The following GALNT2 variants were observed in gnomAD, a reference collection of about 807,000 sequenced individuals.
The protein encoded by GALNT2 is polypeptide N-acetylgalactosaminyltransferase 2.
Under a neutral mutation model 81.4 loss-of-function variants are expected in GALNT2, and 31 were observed. The ratio of observed to expected loss-of-function variants is 0.38; its 90% confidence interval spans 0.29 to 0.51. The LOEUF is 0.51. Among genes scored for constraint, GALNT2 ranks in the 20% least tolerant of loss-of-function variants. The pLI, the probability that GALNT2 is intolerant of heterozygous loss-of-function variation, is 0.87. For missense variants in GALNT2, 629 were observed against 765.7 expected (o/e 0.82, Z 2.11); for synonymous variants, 303 against 287.4 (o/e 1.05, Z -0.55).
At chr1:230,124,570 G>A (rs1312872903) in intron 1 of GALNT2, among the ~76,000 whole-genome samples, 1 of 152,204 alleles carries the variant, frequency 6.6e-6, no homozygotes, top group Middle Eastern at 3.2e-3. Context: ...CCTGGCTCCA[G>A]GTATTTGGAG....
At chr1:230,156,252 T>A (rs1282946867) in intron 1 of GALNT2, among the ~76,000 whole-genome samples, 1 of 151,324 alleles carries the variant, frequency 6.6e-6, no homozygotes, top group African/African-American at 2.4e-5. Context: ...AGAGTGTGTG[T>A]GTGTGTGTGT....
At chr1:230,216,518 C>T (rs11122466) in intron 3 of GALNT2, among the ~76,000 whole-genome samples, 14,432 of 152,170 alleles carry the variant, frequency 0.095, 1,497 homozygotes, top group African/African-American at 0.25. Context: ...CATAGCTCAC[C>T]GTAACAAACT....
In GALNT2 at chr1:230,127,672, C is replaced by T. The variant is rs556077987; in HGVS notation, c.127-50546C>T. ...TACAGATGTGAGCCACTGTGCCGGC[C>T]GAGGGTTTTTTTTTTTAATTTTAAA... On this transcript the variant is annotated intron_variant, in intron 1 of 15. Transcript: ENST00000366672. 4.2e-5 allele frequency among the ~76,000 whole-genome samples: 6 copies of T among 142,084 alleles called. No individual in the cohort carries two copies. In the East Asian group the frequency reaches 6.2e-4, roughly 15 times the overall value. The allele number at this position is 142,084 out of a possible 152,430, so 93.2% of individuals were successfully genotyped here. A position where few individuals can be genotyped will look rare whatever the true frequency, so the allele number is the denominator to read the frequency against.
chr1:230,111,517 C>T (rs1457663780), intron 1 of GALNT2, among the ~76,000 whole-genome samples: 5 of 152,258 alleles, frequency 3.3e-5, no homozygotes, highest in Non-Finnish European at 7.3e-5. Context: ...AAGCATCCCT[C>T]CTTCAGGGCA....
intron 5 of GALNT2, 31 bp downstream of exon 5, chr1:230,236,451 T>G (rs1317843852): frequency 1.2e-6 from 2 of 1,604,840 alleles, no homozygotes; most frequent in Non-Finnish European, 1.7e-6. Flanking sequence ...TATCCCTGTG[T>G]CTGGCTCTTC....
intron 14 of GALNT2, among the ~76,000 whole-genome samples, chr1:230,269,940 G>A (rs182253427): frequency 1.3e-5 from 2 of 152,046 alleles, no homozygotes; most frequent in African/African-American, 2.4e-5. Context: ...GGTGGCTCAC[G>A]CCTGTAATCC....
intron 3 of GALNT2, among the ~76,000 whole-genome samples, chr1:230,218,636 T>C (rs908620043): frequency 6.6e-6 from 1 of 152,216 alleles, no homozygotes; most frequent in Non-Finnish European, 1.5e-5. Context: ...GATGAAGATA[T>C]ACAAAAATCT....
intron 6 of GALNT2, among the ~76,000 whole-genome samples, chr1:230,242,736 G>A (rs531459162): frequency 3.5e-4 from 54 of 152,172 alleles, no homozygotes; most frequent in African/African-American, 8.9e-4. Flanking sequence ...CATAATGAAC[G>A]TGCACATTAT....
At chr1:230,092,937 A>G (rs985127961) in intron 1 of GALNT2, among the ~76,000 whole-genome samples, 2 of 152,198 alleles carry the variant, frequency 1.3e-5, no homozygotes, top group Non-Finnish European at 2.9e-5. Flanking sequence ...ACCCACCCCC[A>G]TGGAGCCGGA....
At chr1:230,206,549 T>G (rs890438562) in intron 3 of GALNT2, among the ~76,000 whole-genome samples, 2 of 152,212 alleles carry the variant, frequency 1.3e-5, no homozygotes, top group Non-Finnish European at 2.9e-5. Flanking sequence ...TTGTTGAATG[T>G]CAGGTTAAGA....
At chr1:230,184,682 G>A (rs677990) in intron 2 of GALNT2, among the ~76,000 whole-genome samples, 34,954 of 151,704 alleles carry the variant, frequency 0.23, 4,870 homozygotes, top group African/African-American at 0.39. Context: ...TTGATTTTCT[G>A]CAATTTGAAT....
intron 1 of GALNT2, among the ~76,000 whole-genome samples, chr1:230,172,500 C>T (rs938625721): frequency 6.6e-6 from 1 of 152,210 alleles, no homozygotes; most frequent in African/African-American, 2.4e-5. Context: ...CTGAGTTTTG[C>T]AGCAGTTGAT....
intron 2 of GALNT2, among the ~76,000 whole-genome samples, chr1:230,191,125 G>A (rs1663510658): frequency 6.6e-6 from 1 of 152,196 alleles, no homozygotes; most frequent in Non-Finnish European, 1.5e-5. Context: ...GAAATGTAAT[G>A]GAGCTGTTTA....
chr1:230,239,852 T>C (rs1572124667), intron 6 of GALNT2, among the ~76,000 whole-genome samples: 1 of 152,376 alleles, frequency 6.6e-6, no homozygotes, highest in Middle Eastern at 3.4e-3. Flanking sequence ...ACAGTTGCCC[T>C]GAGAATTACA....
intron 1 of GALNT2, among the ~76,000 whole-genome samples, chr1:230,119,477 C>T (rs557500094): frequency 6.6e-6 from 1 of 152,326 alleles, no homozygotes; most frequent in African/African-American, 2.4e-5. Flanking sequence ...CTGTGCTGCA[C>T]TCTTGGACCT....
At chr1:230,063,350 G>C (rs1048494790), upstream of GALNT2, among the ~76,000 whole-genome samples, 1 of 152,012 alleles carries the variant, frequency 6.6e-6, no homozygotes, top group Non-Finnish European at 1.5e-5. Context: ...TATCCTAATG[G>C]ATATGAAGTG....
intron 1 of GALNT2, among the ~76,000 whole-genome samples, chr1:230,103,863 T>A (rs1202049652): frequency 6.6e-6 from 1 of 152,154 alleles, no homozygotes; most frequent in Non-Finnish European, 1.5e-5. Flanking sequence ...TTCCTCCCCT[T>A]CTCCTAGTCA....
At chr1:230,276,956 G>A (rs1227349839) in intron 15 of GALNT2, among the ~76,000 whole-genome samples, 1 of 152,212 alleles carries the variant, frequency 6.6e-6, no homozygotes, top group African/African-American at 2.4e-5. Context: ...GTCTTTGGAT[G>A]TAATGGATTG....
chr1:230,255,521 C>G, intron 11 of GALNT2, 177 bp downstream of exon 11: 1 of 775,436 alleles, frequency 1.3e-6, no homozygotes, highest in Non-Finnish European at 2.1e-6. Context: ...AACCTGGGCG[C>G]CTTTCCAGGG....
Sources: gnomAD v4.1 joint callset for allele counts (sites outside exome capture counted in the v4.1 genomes callset) on GRCh38, gnomAD v4.1.1 for gene constraint, MANE v1.5 for transcripts, NCBI Gene and HGNC (gene_info 2026-07-23, HGNC 2026-07-21) for gene names.